METTL6: variants seen among roughly 807,000 people sequenced by gnomAD.
The protein encoded by METTL6 is methyltransferase 6, tRNA N3-cytidine, also known as tRNA N(3)-cytidine methyltransferase METTL6.
Under a neutral mutation model 26.4 loss-of-function variants are expected in METTL6, and 22 were observed. The observed-to-expected ratio is 0.83, with a 90% CI of 0.59 to 1.19. The LOEUF is 1.19. METTL6 is among the 50% of genes most tolerant of loss of function. The pLI, the probability that METTL6 is intolerant of heterozygous loss-of-function variation, is 0.00. For synonymous variants in METTL6, 109 were observed against 116.2 expected (o/e 0.94, Z 0.40); for missense variants, 304 against 324.8 (o/e 0.94, Z 0.49).
Position 15,427,507 on chromosome 3 carries a change from T to G in METTL6, c.-230A>C. The G allele has an allele frequency of 3.9e-6, 2 of 509,406 alleles. No individual in the cohort carries two copies. The highest frequency in any genetic ancestry group is 7.1e-6 in the Non-Finnish European group (2 of 283,024). The allele number at this position is 509,406 out of a possible 1,614,324, so 31.6% of individuals were successfully genotyped here. ...CGAATTCGGATTATCCGGGAGTTCT[T>G]TTGCCATGGCACCGCCCCCGCCACT... On this transcript the variant is annotated 5_prime_UTR_variant, in exon 1 of 6. Transcript: ENST00000383790.
At chr3:15,404,337 T>C (rs540817933) in intron 6 of METTL6, among the ~76,000 whole-genome samples, 1 of 152,136 alleles carries the variant, frequency 6.6e-6, no homozygotes, top group East Asian at 1.9e-4. Context: ...GAAAAACATC[T>C]GATTTATTTT....
exon 7 of METTL6, chr3:15,381,862 T>C (rs1699088514): frequency 6.6e-6 from 1 of 152,006 alleles, no homozygotes; most frequent in Non-Finnish European, 1.5e-5. Context: ...GATTATCTCT[T>C]AGGAAACAAT....
intron 3 of METTL6, among the ~76,000 whole-genome samples, chr3:15,417,925 C>T (rs2125007526): frequency 6.6e-6 from 1 of 152,238 alleles, no homozygotes; most frequent in African/African-American, 2.4e-5. Flanking sequence ...GGGAGAGCCA[C>T]AACAGATAGA....
chr3:15,427,623 G>A, upstream of METTL6: 1 of 699,232 alleles, frequency 1.4e-6, no homozygotes, highest in African/African-American at 1.8e-5. Flanking sequence ...GCAGAGGAGA[G>A]AACTTGCTTC....
exon 7 of METTL6, chr3:15,384,118 G>A (rs576055421): frequency 2.5e-6 from 1 of 407,042 alleles, no homozygotes; most frequent in Non-Finnish European, 4.8e-6. Context: ...ATTTTCTGTG[G>A]TTCATATAAT....
intron 6 of METTL6, chr3:15,399,402 A>G (rs1353429440): frequency 6.6e-6 from 1 of 151,828 alleles, no homozygotes; most frequent in Middle Eastern, 3.4e-3. Context: ...ATTCTTTCTT[A>G]CTCAAGGTCC....
At chr3:15,421,833 A>C (rs969101358) in intron 3 of METTL6, among the ~76,000 whole-genome samples, 2 of 151,948 alleles carry the variant, frequency 1.3e-5, no homozygotes, top group Non-Finnish European at 2.9e-5. Context: ...AATTGCTTGA[A>C]CCCGGGAGGT....
chr3:15,423,379 C>T (rs776867737), intron 3 of METTL6, among the ~76,000 whole-genome samples: 3 of 152,054 alleles, frequency 2.0e-5, no homozygotes, highest in Non-Finnish European at 2.9e-5. Context: ...GGCGACAGAG[C>T]GAGACTCCGT....
intron 6 of METTL6, among the ~76,000 whole-genome samples, chr3:15,387,946 T>C (rs984677013): frequency 4.6e-5 from 7 of 151,984 alleles, no homozygotes; most frequent in African/African-American, 1.7e-4. Context: ...TGGGTTCACC[T>C]TGCCTGCTGC....
intron 6 of METTL6, among the ~76,000 whole-genome samples, chr3:15,387,837 G>T (rs1266902822): frequency 4.7e-5 from 7 of 149,940 alleles, no homozygotes; most frequent in Non-Finnish European, 7.4e-5. Context: ...TTTTGAGACA[G>T]GATCTTGCTC....
chr3:15,418,822 A>G (rs187159121), intron 3 of METTL6, among the ~76,000 whole-genome samples: 86 of 152,236 alleles, frequency 5.6e-4, no homozygotes, highest in African/African-American at 2.0e-3. Context: ...CTTGAACCCA[A>G]GAGTTCGAGA....
rs1181715516 is a variant in METTL6, at chr3:15,409,823, T to A, written c.*1433A>T. ...GGAACACTGGTTTTGAAGAAATACA[T>A]AACTGAACTAAAGGGGAGACCAATG... On this transcript the variant is annotated 3_prime_UTR_variant, in exon 6 of 6. Coordinates refer to ENST00000383790, the MANE Select transcript of METTL6 (RefSeq NM_152396.4). Among the ~76,000 whole-genome samples the A allele has an allele frequency of 6.6e-6, 1 of 152,118 alleles. No individual in the cohort carries two copies. Among genetic ancestry groups the A allele is most frequent in the Non-Finnish European group, 1.5e-5 (1 of 68,016 alleles).
chr3:15,392,001 T>TG (rs1290908813), intron 6 of METTL6, among the ~76,000 whole-genome samples: 3 of 152,196 alleles, frequency 2.0e-5, no homozygotes, highest in Non-Finnish European at 4.4e-5. Context: ...TATAATCCTT[T>TG]GGGTATATAC....
intron 6 of METTL6, among the ~76,000 whole-genome samples, chr3:15,394,074 A>G (rs1240143479): frequency 1.3e-5 from 2 of 152,228 alleles, no homozygotes; most frequent in African/African-American, 2.4e-5. Flanking sequence ...AAGGAATGGT[A>G]CCAGCTCCTC....
chr3:15,425,107 A>G lies in METTL6; in HGVS notation c.226-18T>C. 3 of 1,613,486 alleles carry G rather than the reference A, an allele frequency of 1.9e-6. No individual in the cohort carries two copies. The highest frequency in any genetic ancestry group is 2.5e-6 in the Non-Finnish European group (3 of 1,179,808). ...TCTTCAAACTGGGGAAAGACAGCTC[A>G]AAGTTATAGTATATCACATTTGCAT... On this transcript the variant is annotated intron_variant, in intron 2 of 5. Coordinates refer to ENST00000383790, the MANE Select transcript of METTL6 (RefSeq NM_152396.4).
At chr3:15,418,411 A>G (rs1452164640) in intron 3 of METTL6, among the ~76,000 whole-genome samples, 1 of 152,242 alleles carries the variant, frequency 6.6e-6, no homozygotes, top group Non-Finnish European at 1.5e-5. Flanking sequence ...GAACACTTTC[A>G]ATAGGTTTCT....
chr3:15,426,161 G>C (rs1403477407), intron 2 of METTL6, 126 bp downstream of exon 2: 1 of 845,408 alleles, frequency 1.2e-6, no homozygotes, highest in Admixed American at 2.5e-5. Context: ...GGATGGTCTC[G>C]ATCTCTTGAC....
rs1700088456 is a variant in METTL6, at chr3:15,414,140, A to G, written c.554T>C (p.Val185Ala). The G allele has an allele frequency of 6.2e-7, 1 of 1,612,994 alleles. No individual in the cohort carries two copies. The highest frequency in any genetic ancestry group is 8.5e-7 in the Non-Finnish European group (1 of 1,179,738). ...IYKVLKPGKS[V>A]LFRDYGLYDH... ...ATACAGTCCGTAGTCACGAAACAAG[A>G]CACTTTTGCCTGGTTTTAATACCTA... The change falls in exon 5 of 6, where the codon GTC (valine) becomes GCC (alanine). Residue 185 changes from valine (V) to alanine (A), a missense_variant. By Grantham distance (64) the Val-to-Ala change is moderately conservative (BLOSUM62 0). Transcript: ENST00000383790.
intron 6 of METTL6, among the ~76,000 whole-genome samples, chr3:15,394,226 G>A (rs1014464912): frequency 6.6e-6 from 1 of 152,164 alleles, no homozygotes; most frequent in Non-Finnish European, 1.5e-5. Context: ...TTAGTCTTGG[G>A]AGAGTGTATG....
Sources: gnomAD v4.1 joint callset for allele counts (sites outside exome capture counted in the v4.1 genomes callset) on GRCh38, gnomAD v4.1.1 for gene constraint, MANE v1.5 for transcripts, NCBI Gene and HGNC (gene_info 2026-07-23, HGNC 2026-07-21) for gene names.